Variants in OSBPL8 observed in about 807,000 individuals in gnomAD.
OSBPL8 encodes oxysterol-binding protein-related protein 8.
In OSBPL8, 59 loss-of-function variants were observed where a neutral mutation model predicts 125.5. The observed-to-expected ratio is 0.47, with a 90% confidence interval of 0.38 to 0.58. The LOEUF (loss-of-function observed/expected upper bound fraction) is 0.58, where lower values mean the gene tolerates loss of function less well. Among genes scored for constraint, OSBPL8 ranks in the 20% least tolerant of loss-of-function variants. The pLI is 0.00. For missense variants in OSBPL8, 758 were observed against 1,047.8 expected, an observed-to-expected ratio of 0.72 and a Z score of 3.82; for synonymous variants, 330 against 338.9, an observed-to-expected ratio of 0.97 and a Z score of 0.29.
intron 1 of OSBPL8, among the ~76,000 whole-genome samples, chr12:76,502,473 G>A (rs1015636254): frequency 6.6e-6 from 1 of 152,188 alleles, no homozygotes; most frequent in Non-Finnish European, 1.5e-5. Context: ...TAGGCTGGCT[G>A]AGGTGAGCGA....
At chr12:76,464,990 A>C (rs1299958742) in intron 2 of OSBPL8, among the ~76,000 whole-genome samples, 2 of 152,184 alleles carry the variant, frequency 1.3e-5, no homozygotes, top group African/African-American at 4.8e-5. Context: ...GCAGCTGAGA[A>C]CTGTCTGTTC....
At chr12:76,421,594 T>C (rs1869492398) in intron 4 of OSBPL8, among the ~76,000 whole-genome samples, 1 of 152,006 alleles carries the variant, frequency 6.6e-6, no homozygotes, top group Admixed American at 6.6e-5. Context: ...ATTGTGAAAA[T>C]AGGGAATTTA....
At chr12:76,524,730 CTGGAGTGCAG>C (rs762101358) in intron 1 of OSBPL8, among the ~76,000 whole-genome samples, 1 of 149,524 alleles carries the variant, frequency 6.7e-6, no homozygotes, top group Non-Finnish European at 1.5e-5. Context: ...ATTGCCCAGG[CTGGAGTGCAG>C]TGGCACAATC....
rs183388546 is a variant in OSBPL8 at position 76,503,437 on chromosome 12, T to C, written c.-67-15819A>G. On this transcript the variant is annotated intron_variant, in intron 1 of 23. Transcript: ENST00000261183. ...GTGACCTCATTTTAACTTAACTATCTCATTAAAGACCCTGTCTCCAAATAC... is the reference window on the plus strand; with the variant it reads ...GTGACCTCATTTTAACTTAACTATCCCATTAAAGACCCTGTCTCCAAATAC... Among the ~76,000 whole-genome samples the C allele has an allele frequency of 9.8e-5, 15 of 152,330 alleles. No individual in the cohort carries two copies. In the East Asian group the frequency reaches 2.9e-3, roughly 29 times the overall value.
chr12:76,544,419 G>C (rs1565986068), intron 1 of OSBPL8, among the ~76,000 whole-genome samples: 1 of 152,116 alleles, frequency 6.6e-6, no homozygotes, highest in Non-Finnish European at 1.5e-5. Context: ...AGACAGTAAA[G>C]AAATGTCAAA....
chr12:76,501,094 T>TACAC (rs113039903), intron 1 of OSBPL8, among the ~76,000 whole-genome samples: 7,809 of 151,044 alleles, frequency 0.052, 271 homozygotes, highest in Non-Finnish European at 0.082. Context: ...TGTGTATCTT[T>TACAC]ACACACACAC....
intron 4 of OSBPL8, among the ~76,000 whole-genome samples, chr12:76,417,969 A>G (rs934760745): frequency 6.6e-6 from 1 of 150,884 alleles, no homozygotes; most frequent in African/African-American, 2.4e-5. Flanking sequence ...GAGACCTGGA[A>G]TGAAAACCCT....
Position 76,394,797 on chromosome 12 carries a change from C to T in OSBPL8, c.673-68G>A, listed in dbSNP as rs540227312. ...TTATGAGATCTCATCTTTACACTATCCAATATTATCTGTAATAATCTAAAT... is the reference window on the plus strand; with the variant it reads ...TTATGAGATCTCATCTTTACACTATTCAATATTATCTGTAATAATCTAAAT... On this transcript the variant is annotated intron_variant, in intron 8 of 23. Coordinates refer to ENST00000261183, the MANE Select transcript of OSBPL8 (RefSeq NM_020841.5). The T allele has an allele frequency of 4.8e-5, 49 of 1,028,066 alleles. 1 individual carries two copies. The highest frequency in any genetic ancestry group is 6.5e-5 in the South Asian group (4 of 61,094). The allele number at this position is 1,028,066 out of a possible 1,614,324, so 63.7% of individuals were successfully genotyped here. A position where few individuals can be genotyped will look rare whatever the true frequency, so the allele number is the denominator to read the frequency against.
intron 2 of OSBPL8, among the ~76,000 whole-genome samples, chr12:76,485,700 GAGAC>G (rs1391489766): frequency 6.6e-6 from 1 of 152,166 alleles, no homozygotes; most frequent in African/African-American, 2.4e-5. Context: ...AAAGTATTCA[GAGAC>G]AGACAGATTT....
chr12:76,390,986 T>C (rs943500696), intron 10 of OSBPL8, among the ~76,000 whole-genome samples: 1 of 152,090 alleles, frequency 6.6e-6, no homozygotes. Context: ...TTGTTAGATA[T>C]TTTTCTTAGT....
chr12:76,471,158 C>T (rs945959984), intron 2 of OSBPL8, among the ~76,000 whole-genome samples: 5 of 152,116 alleles, frequency 3.3e-5, no homozygotes, highest in South Asian at 2.1e-4. Flanking sequence ...TTCAGAGCCT[C>T]GGTTTCTTCA....
chr12:76,528,903 T>A (rs766282593), intron 1 of OSBPL8, among the ~76,000 whole-genome samples: 41 of 152,064 alleles, frequency 2.7e-4, no homozygotes, highest in Non-Finnish European at 5.3e-4. Flanking sequence ...TAAAATTTCA[T>A]CAAATTTTTC....
chr12:76,513,753 T>G (rs916204920), intron 1 of OSBPL8, among the ~76,000 whole-genome samples: 9 of 151,636 alleles, frequency 5.9e-5, no homozygotes, highest in Admixed American at 4.6e-4. Flanking sequence ...GGTTTTTTTT[T>G]TTTTTTTTTT....
At chr12:76,505,291 T>C (rs540218129) in intron 1 of OSBPL8, among the ~76,000 whole-genome samples, 1 of 152,256 alleles carries the variant, frequency 6.6e-6, no homozygotes, top group South Asian at 2.1e-4. Context: ...CAGCTACCCA[T>C]ATTAGTACCA....
intron 4 of OSBPL8, among the ~76,000 whole-genome samples, chr12:76,418,566 C>T (rs1319612219): frequency 6.6e-6 from 1 of 152,146 alleles, no homozygotes; most frequent in East Asian, 1.9e-4. Context: ...TGAGGTGGCT[C>T]ATGCCTGTAA....
At chr12:76,539,157 A>G (rs1424174276) in intron 1 of OSBPL8, among the ~76,000 whole-genome samples, 1 of 150,618 alleles carries the variant, frequency 6.6e-6, no homozygotes, top group Non-Finnish European at 1.5e-5. Context: ...CACACAGAGA[A>G]AAAAAAAAGA....
chr12:76,456,100 T>C (rs1874009189), intron 3 of OSBPL8, among the ~76,000 whole-genome samples: 1 of 152,184 alleles, frequency 6.6e-6, no homozygotes, highest in South Asian at 2.1e-4. Flanking sequence ...ATTCAACTCA[T>C]CAATATAAAA....
intron 4 of OSBPL8, among the ~76,000 whole-genome samples, chr12:76,447,291 T>C (rs1872817577): frequency 6.6e-6 from 1 of 152,174 alleles, no homozygotes; most frequent in African/African-American, 2.4e-5. Context: ...CACCTAAATC[T>C]ACCAATCTTG....
chr12:76,386,919 C>G (rs1953337370), intron 12 of OSBPL8, among the ~76,000 whole-genome samples: 1 of 152,100 alleles, frequency 6.6e-6, no homozygotes, highest in Non-Finnish European at 1.5e-5. Flanking sequence ...TGGAAACTCT[C>G]CAAACCAAGG....
Sources: gnomAD v4.1 joint callset for allele counts (sites outside exome capture counted in the v4.1 genomes callset) on GRCh38, gnomAD v4.1.1 for gene constraint, MANE v1.5 for transcripts, NCBI Gene and HGNC (gene_info 2026-07-23, HGNC 2026-07-21) for gene names.